Variants in TRPM1 observed in about 807,000 individuals in gnomAD.
The protein encoded by TRPM1 is TRPM1-203 APA Isoform, Intron 10.
In TRPM1, 113 loss-of-function variants were observed where a neutral mutation model predicts 149.4. The ratio of observed to expected loss-of-function variants is 0.76; its 90% CI spans 0.65 to 0.88. The LOEUF (loss-of-function observed/expected upper bound fraction) is 0.88. Ranked by LOEUF, TRPM1 falls within the 40% of genes least tolerant of loss-of-function variation. TRPM1 has a pLI of 0.00. For missense variants in TRPM1, 1,976 were observed against 2,038.7 expected (o/e 0.97, Z 0.59); for synonymous variants, 741 against 759.5 (o/e 0.98, Z 0.40).
chr15:31,028,514 T>C (rs1418694722), intron 24 of TRPM1, 38 bp from the exon 25 acceptor site: 5 of 1,607,876 alleles, frequency 3.1e-6, no homozygotes, highest in Admixed American at 3.3e-5. Flanking sequence ...GCTTTTTACA[T>C]ATAATGAAAA....
chr15:31,006,678 CTT>C (rs1300821079), intron 27 of TRPM1, among the ~76,000 whole-genome samples: 1 of 152,198 alleles, frequency 6.6e-6, no homozygotes, highest in Non-Finnish European at 1.5e-5. Flanking sequence ...GTATGTTTAA[CTT>C]TATAAGCAAC....
chr15:31,090,903 C>T (rs966576419), intron 1 of TRPM1, among the ~76,000 whole-genome samples: 1 of 152,166 alleles, frequency 6.6e-6, no homozygotes, highest in African/African-American at 2.4e-5. Flanking sequence ...TCTTGATTAG[C>T]TTGTCTATGA....
At chr15:31,149,589 G>A (rs533091377) in intron 1 of TRPM1, among the ~76,000 whole-genome samples, 1 of 140,644 alleles carries the variant, frequency 7.1e-6, no homozygotes, top group South Asian at 2.2e-4. Flanking sequence ...GCGCGATCTT[G>A]GCTCACTGCA....
In TRPM1 at chr15:31,053,281, G is replaced by T. The variant is rs2033996947; in HGVS notation, c.1264-2699C>A. Among the ~76,000 whole-genome samples, 3 of 151,720 alleles carry T rather than the reference G, an allele frequency of 2.0e-5. No homozygotes were observed. In the South Asian group the frequency reaches 6.2e-4, roughly 32 times the overall value. ...TTCCTTTTATTTGAGATGGAGTTTT[G>T]CTCTTGTTGCCCAGGCTGGAGTGCA... On this transcript the variant is annotated intron_variant, in intron 11 of 27. Transcript: ENST00000256552.
rs146105159 is a variant in TRPM1 at position 31,065,029 on chromosome 15, A to T, written c.790+1047T>A. On this transcript the variant is annotated intron_variant, in intron 7 of 27. Coordinates refer to ENST00000256552, the MANE Select transcript of TRPM1 (RefSeq NM_001252024.2). Reference sequence around the variant, plus strand: ...TTCTTGGCTTAGGCTGGAGTCCTCGAAGCTCCGTGCTGTGGGAAGTGACAA... The same window carrying T: ...TTCTTGGCTTAGGCTGGAGTCCTCGTAGCTCCGTGCTGTGGGAAGTGACAA... The T allele has an allele frequency of 1.1e-3, 566 of 534,450 alleles. 2 individuals carry two copies. The highest frequency in any genetic ancestry group is 1.0e-2 in the African/African-American group (519 of 52,050). The allele number at this position is 534,450 out of a possible 1,614,324, so 33.1% of individuals were successfully genotyped here.
intron 1 of TRPM1, among the ~76,000 whole-genome samples, chr15:31,149,677 G>A (rs1478362492): frequency 6.6e-6 from 1 of 152,066 alleles, no homozygotes; most frequent in Non-Finnish European, 1.5e-5. Context: ...CCGCCACCGC[G>A]CCTGGCTAAT....
chr15:31,045,327 G>A (rs1239540057), intron 16 of TRPM1, among the ~76,000 whole-genome samples: 2 of 152,120 alleles, frequency 1.3e-5, no homozygotes, highest in Non-Finnish European at 2.9e-5. Context: ...TTTTAGGTCT[G>A]GGACATTGTT....
chr15:31,038,076 C>T lies in TRPM1; in HGVS notation c.2407G>A (p.Glu803Lys), dbSNP rs186865083. The stretch of plus-strand genomic sequence containing the variant: ...TCCTCTTCTTTTTCTTTGCCATCCT[C>T]ATTTTCCTTGGATGTTTGATACGAG... ...DFSYQTSKEN[E>K]DGKEKEEENT... Residue 803 changes from glutamate (E) to lysine (K), a missense_variant, in exon 19 of 28, where the codon GAG becomes AAG. Transcript: ENST00000256552. The T allele has an allele frequency of 3.1e-6, 5 of 1,614,114 alleles. No individual in the cohort carries two copies. In the African/African-American group the frequency reaches 4.0e-5, roughly 13 times the overall value.
upstream of TRPM1, among the ~76,000 whole-genome samples, chr15:31,103,434 G>A (rs891406742): frequency 2.0e-5 from 3 of 152,204 alleles, no homozygotes; most frequent in Admixed American, 2.0e-4. Context: ...ATAATCGATT[G>A]CACATTGAAA....
In TRPM1 at chr15:31,026,046, T is replaced by C. The variant is rs1282484697; in HGVS notation, c.3629+93A>G. On this transcript the variant is annotated intron_variant, in intron 27 of 27. Transcript: ENST00000256552. ...ATAAAACAGGAGAACTCGGAGTGCA[T>C]GTTTAAATGAACTCTGGCATCCCCC... is the stretch of plus-strand genomic sequence containing the variant. 5.8e-6 allele frequency: 9 copies of C among 1,542,582 alleles called. No homozygotes were observed. The Admixed American group carries it at 1.5e-4, about 26-fold the overall frequency.
At chr15:31,049,594 T>C (rs2033887589) in intron 12 of TRPM1, 85 bp from the exon 13 acceptor site, 1 of 1,516,814 alleles carries the variant, frequency 6.6e-7, no homozygotes, top group African/African-American at 1.4e-5. Flanking sequence ...GAGGAAAGGG[T>C]ATTCCGAACG....
At chr15:31,103,323 C>A (rs970811129), upstream of TRPM1, among the ~76,000 whole-genome samples, 1 of 152,184 alleles carries the variant, frequency 6.6e-6, no homozygotes, top group African/African-American at 2.4e-5. Flanking sequence ...ACACAGTGGC[C>A]ACAGGCCACG....
intron 1 of TRPM1, among the ~76,000 whole-genome samples, chr15:31,119,502 T>C (rs1326308817): frequency 6.6e-6 from 1 of 151,990 alleles, no homozygotes; most frequent in Non-Finnish European, 1.5e-5. Context: ...TTGTGAAAAA[T>C]GCTAAAAGAA....
chr15:31,014,358 T>G (rs2032285769), intron 27 of TRPM1, among the ~76,000 whole-genome samples: 1 of 152,196 alleles, frequency 6.6e-6, no homozygotes, highest in Non-Finnish European at 1.5e-5. Flanking sequence ...TTCAAGGAGC[T>G]GCCCTGTAAT....
chr15:31,054,405 C>T (rs2034030763), intron 11 of TRPM1, among the ~76,000 whole-genome samples: 1 of 152,112 alleles, frequency 6.6e-6, no homozygotes, highest in Non-Finnish European at 1.5e-5. Context: ...AGCAATTCTC[C>T]TGCCTCAGCC....
intron 1 of TRPM1, among the ~76,000 whole-genome samples, chr15:31,136,897 CTTT>C (rs1227037427): frequency 2.0e-5 from 3 of 152,068 alleles, no homozygotes; most frequent in African/African-American, 7.2e-5. Flanking sequence ...GTAATTTCTT[CTTT>C]TGACAGATCT....
intron 1 of TRPM1, among the ~76,000 whole-genome samples, chr15:31,089,199 C>G (rs1480188871): frequency 2.0e-5 from 3 of 152,148 alleles, no homozygotes; most frequent in African/African-American, 4.8e-5. Context: ...GTGGTCATTT[C>G]TAGGTAGTTC....
At chr15:31,078,793 A>G (rs73374051) in intron 2 of TRPM1, among the ~76,000 whole-genome samples, 2,516 of 152,310 alleles carry the variant, frequency 0.017, 79 homozygotes, top group African/African-American at 0.058. Context: ...CTTCCCAGAG[A>G]AGCTGGGAAG....
intron 27 of TRPM1, among the ~76,000 whole-genome samples, chr15:31,019,415 T>C (rs924501542): frequency 1.1e-4 from 16 of 152,162 alleles, no homozygotes; most frequent in African/African-American, 1.9e-4. Context: ...TTTTTGTTTG[T>C]TTTTGAGAGG....
Sources: allele counts gnomAD v4.1 joint callset (sites outside exome capture counted in the v4.1 genomes callset), GRCh38; gene constraint gnomAD v4.1.1; transcripts MANE v1.5; gene names NCBI Gene and HGNC (gene_info 2026-07-23, HGNC 2026-07-21).